Variants in DOCK3 observed in about 807,000 individuals in gnomAD.
The protein encoded by DOCK3 is dedicator of cytokinesis protein 3.
DOCK3 carries 60 observed loss-of-function variants against 265.6 expected under a neutral mutation model. That is an observed-to-expected ratio of 0.23 (90% CI 0.18 to 0.28). The LOEUF (loss-of-function observed/expected upper bound fraction) is 0.28. Ranked by LOEUF, DOCK3 falls within the 10% of genes least tolerant of loss-of-function variation. DOCK3 has a pLI of 1.00. For missense variants in DOCK3, 1,981 were observed against 2,594.3 expected (o/e 0.76, Z 5.14); for synonymous variants, 881 against 938.0 (o/e 0.94, Z 1.11).
At chr3:50,719,222 T>C (rs113079754) in intron 1 of DOCK3, among the ~76,000 whole-genome samples, 1 of 152,268 alleles carries the variant, frequency 6.6e-6, no homozygotes, top group African/African-American at 2.4e-5. Flanking sequence ...ACATGTCTAT[T>C]ATACTCTTAC....
rs1184140436 is a variant in DOCK3, at chr3:51,039,226, C to T, written c.316-25222C>T. 2.6e-5 allele frequency among the ~76,000 whole-genome samples: 4 copies of T among 152,254 alleles called. No homozygotes were observed. In the East Asian group the frequency reaches 5.8e-4, roughly 22 times the overall value. On this transcript the variant is annotated intron_variant, in intron 5 of 52. Coordinates refer to ENST00000266037, the MANE Select transcript of DOCK3 (RefSeq NM_004947.5). ...GGCCAGGCTGGTCTCAAACTCCTCA[C>T]CTCAGGTGATCTGCCCGACTCGGCC...
intron 2 of DOCK3, among the ~76,000 whole-genome samples, chr3:50,832,054 T>C (rs566535395): frequency 2.0e-5 from 3 of 152,336 alleles, no homozygotes; most frequent in African/African-American, 7.2e-5. Flanking sequence ...GTTCATATCC[T>C]TTGCCCACTT....
chr3:51,085,804 A>G (rs1238675819), intron 7 of DOCK3, among the ~76,000 whole-genome samples: 1 of 152,224 alleles, frequency 6.6e-6, no homozygotes, highest in Non-Finnish European at 1.5e-5. Flanking sequence ...TAGTAGAAAT[A>G]AGTAATAAAG....
At chr3:50,876,145 A>G (rs1286455915) in intron 3 of DOCK3, among the ~76,000 whole-genome samples, 2 of 152,276 alleles carry the variant, frequency 1.3e-5, no homozygotes, top group Admixed American at 6.5e-5. Context: ...TGGAATATCA[A>G]TATTTTTATC....
rs545559461 is a variant in DOCK3, at chr3:51,374,341, G to A, written c.5294-128G>A. Reference sequence around the variant, plus strand: ...ACTCTGCTTCATTCCTCCTGTGCTTGCTGAGTTCATCCTCACCCTAACTGT... The same window carrying A: ...ACTCTGCTTCATTCCTCCTGTGCTTACTGAGTTCATCCTCACCCTAACTGT... On this transcript the variant is annotated intron_variant, in intron 49 of 52. Coordinates refer to ENST00000266037, the MANE Select transcript of DOCK3 (RefSeq NM_004947.5). This position sits in a 1 kb window ranked among gnomAD's most constrained non-coding sequence, Gnocchi z 4.8. The A allele has an allele frequency of 2.5e-5, 20 of 791,390 alleles. No homozygotes were observed. The South Asian group carries it at 3.1e-4, about 12-fold the overall frequency. The allele number at this position is 791,390 out of a possible 1,614,324, so 49.0% of individuals were successfully genotyped here.
chr3:51,362,013 C>T lies in DOCK3; in HGVS notation c.5145+16C>T, dbSNP rs752919323. 6.3e-6 allele frequency: 10 copies of T among 1,596,528 alleles called. No individual in the cohort carries two copies. The highest frequency in any genetic ancestry group is 4.5e-5 in the East Asian group (2 of 44,126). ...CCACATGCAGGTACAGAGCTGTCCACGGAGAGTGGGCCAGGGCACCATGCC... is the reference window on the plus strand; with the variant it reads ...CCACATGCAGGTACAGAGCTGTCCATGGAGAGTGGGCCAGGGCACCATGCC... On this transcript the variant is annotated intron_variant, in intron 48 of 52. Transcript: ENST00000266037.
intron 1 of DOCK3, among the ~76,000 whole-genome samples, chr3:50,699,680 A>G (rs1000822154): frequency 4.6e-5 from 7 of 151,996 alleles, no homozygotes; most frequent in Non-Finnish European, 5.9e-5. Context: ...CTTTGTTACT[A>G]TATCTGTCTT....
At chr3:50,818,072 A>G (rs1353282904) in intron 2 of DOCK3, among the ~76,000 whole-genome samples, 1 of 152,220 alleles carries the variant, frequency 6.6e-6, no homozygotes, top group Non-Finnish European at 1.5e-5. Flanking sequence ...CATCCCTGAT[A>G]CTGAGCAAAA....
At chr3:50,916,959 T>C (rs2050163606) in intron 4 of DOCK3, among the ~76,000 whole-genome samples, 1 of 151,942 alleles carries the variant, frequency 6.6e-6, no homozygotes, top group Non-Finnish European at 1.5e-5. Flanking sequence ...CATTTCAAAA[T>C]ACATATTTTA....
chr3:51,148,865 T>A (rs1192745712), intron 10 of DOCK3, among the ~76,000 whole-genome samples: 1 of 152,196 alleles, frequency 6.6e-6, no homozygotes, highest in South Asian at 2.1e-4. Flanking sequence ...AGTAGTTTTT[T>A]CCAATTCTGT....
rs2088694787 is a variant in DOCK3, at chr3:51,382,223, C to A, written c.*664C>A. On this transcript the variant is annotated 3_prime_UTR_variant, in exon 53 of 53. Transcript: ENST00000266037. ...CCAGGGTTCAATGGGCCAGCCGTCT[C>A]CTACTCCACCTTGGATTTTTCTCTC... is the stretch of plus-strand genomic sequence containing the variant. 6.6e-6 allele frequency: 1 copy of A among 152,478 alleles called. No homozygotes were observed. Among genetic ancestry groups the A allele is most frequent in the African/African-American group, 2.4e-5 (1 of 41,458 alleles). The allele number at this position is 152,478 out of a possible 1,614,324, so 9.4% of individuals were successfully genotyped here.
At chr3:51,093,124 C>T (rs2082703047) in intron 9 of DOCK3, among the ~76,000 whole-genome samples, 1 of 152,076 alleles carries the variant, frequency 6.6e-6, no homozygotes, top group African/African-American at 2.4e-5. Flanking sequence ...ATGCCTCTGG[C>T]TTGGTTCTTT....
At chr3:51,150,761 G>T (rs2085546223) in intron 10 of DOCK3, among the ~76,000 whole-genome samples, 1 of 152,148 alleles carries the variant, frequency 6.6e-6, no homozygotes, top group Non-Finnish European at 1.5e-5. Flanking sequence ...TTCCAACTAT[G>T]TGTTCAATTT....
chr3:50,756,946 A>G (rs1475955852), intron 1 of DOCK3, among the ~76,000 whole-genome samples: 1 of 150,308 alleles, frequency 6.7e-6, no homozygotes, highest in Non-Finnish European at 1.5e-5. Context: ...CTGCAGCCTC[A>G]CTCTCCCAGG....
intron 9 of DOCK3, among the ~76,000 whole-genome samples, chr3:51,114,419 AG>A (rs2083647434): frequency 6.6e-6 from 1 of 152,176 alleles, no homozygotes. Flanking sequence ...TCAATGCCAG[AG>A]GCTGCAGAGG....
chr3:50,763,668 A>G (rs1230777656), intron 1 of DOCK3, among the ~76,000 whole-genome samples: 1 of 152,174 alleles, frequency 6.6e-6, no homozygotes, highest in African/African-American at 2.4e-5. Context: ...ATTTTGGCAT[A>G]CAATTGTTCA....
At chr3:51,224,180 T>G (rs1212227573) in intron 14 of DOCK3, among the ~76,000 whole-genome samples, 3 of 152,256 alleles carry the variant, frequency 2.0e-5, no homozygotes, top group African/African-American at 7.2e-5. Flanking sequence ...GGGAAAGTTC[T>G]TAGGGCTCTT....
At chr3:51,146,496 G>C in intron 9 of DOCK3, 53 bp from the exon 10 acceptor site, 2 of 1,530,974 alleles carry the variant, frequency 1.3e-6, no homozygotes, top group Non-Finnish European at 8.9e-7. Context: ...CTTTTTCTTT[G>C]TTCTGGAGTG....
At chr3:50,877,366 A>G (rs2047754739) in intron 3 of DOCK3, 1 of 504,404 alleles carries the variant, frequency 2.0e-6, no homozygotes, top group Non-Finnish European at 4.0e-6. Context: ...TAGTATCTTC[A>G]TCATAATCCA....
Sources: allele counts gnomAD v4.1 joint callset (sites outside exome capture counted in the v4.1 genomes callset), GRCh38; gene constraint gnomAD v4.1.1; non-coding constraint Gnocchi (gnomAD v3.1); transcripts MANE v1.5; gene names NCBI Gene and HGNC (gene_info 2026-07-23, HGNC 2026-07-21).